The following COL19A1 variants were observed in gnomAD, a reference collection of about 807,000 sequenced individuals.
The protein encoded by COL19A1 is collagen alpha-1(XIX) chain.
COL19A1 carries 159 observed loss-of-function variants against 190.2 expected under a neutral mutation model. The ratio of observed to expected loss-of-function variants is 0.84; its 90% CI spans 0.73 to 0.95. The LOEUF is 0.95. Among genes scored for constraint, COL19A1 ranks in the 40% least tolerant of loss-of-function variants. The pLI is 0.00. For synonymous variants in COL19A1, 509 were observed against 458.9 expected (o/e 1.11, Z -1.39); for missense variants, 1,418 against 1,431.9 (o/e 0.99, Z 0.16).
chr6:70,145,878 G>A (rs1583021463), intron 25 of COL19A1, among the ~76,000 whole-genome samples: 1 of 151,786 alleles, frequency 6.6e-6, no homozygotes, highest in Non-Finnish European at 1.5e-5. Context: ...ACACCACCAA[G>A]CCTGGCTGAT....
In COL19A1 at chr6:69,932,838, C is replaced by A. The variant is rs572662855; in HGVS notation, c.722C>A (p.Thr241Lys). 6.2e-7 allele frequency: 1 copy of A among 1,607,238 alleles called. No homozygotes were observed. The highest frequency in any genetic ancestry group is 1.3e-5 in the African/African-American group (1 of 74,778). ...AGTGCAAACCTCATAGCTCAAGAAA[C>A]ATGTTGTGAAATATCAGATACTAAG... ...YCSANLIAQE[T>K]CCEISDTKCP... is the part of the protein sequence containing the mutation. The change falls in exon 7 of 51, where the codon ACA becomes AAA. Residue 241 changes from threonine (T) to lysine (K), a missense_variant. By Grantham distance (78) the Thr-to-Lys change is moderately conservative. Transcript: ENST00000620364.
At chr6:70,162,212 A>C (rs1245359004) in intron 35 of COL19A1, among the ~76,000 whole-genome samples, 1 of 152,182 alleles carries the variant, frequency 6.6e-6, no homozygotes, top group Non-Finnish European at 1.5e-5. Flanking sequence ...TTGAAATAGA[A>C]ATTGCATATA....
At position 70,149,972 on chromosome 6, in the gene COL19A1, A is replaced by G; in HGVS notation, c.1984-20A>G. The G allele has an allele frequency of 6.2e-7, 1 of 1,613,702 alleles. No individual in the cohort carries two copies. Among genetic ancestry groups the G allele is most frequent in the African/African-American group, 1.3e-5 (1 of 74,996 alleles). On this transcript the variant is annotated intron_variant, in intron 29 of 50. Transcript: ENST00000620364. ...CCTGTGCCACGTGCAAAGATTGAAC[A>G]TGGATACCTCTGTTTTCAGGGAGTT...
chr6:70,028,469 G>A (rs1447772029), intron 12 of COL19A1, among the ~76,000 whole-genome samples: 2 of 152,130 alleles, frequency 1.3e-5, no homozygotes. Context: ...TCTGGGCATC[G>A]TGACAACTTT....
At chr6:70,174,549 G>A (rs2150277713) in intron 41 of COL19A1, among the ~76,000 whole-genome samples, 1 of 143,976 alleles carries the variant, frequency 6.9e-6, no homozygotes, top group Non-Finnish European at 1.5e-5. Flanking sequence ...GATAGAGCCA[G>A]ACTCCGTCTC....
chr6:70,084,046 C>T (rs3806013), intron 15 of COL19A1, among the ~76,000 whole-genome samples: 55,191 of 151,906 alleles, frequency 0.36, 11,684 homozygotes, highest in Non-Finnish European at 0.48. Flanking sequence ...GTCCAACTTA[C>T]CTTTTTAAAA....
intron 19 of COL19A1, among the ~76,000 whole-genome samples, chr6:70,140,650 A>G (rs1432648289): frequency 6.6e-6 from 1 of 152,104 alleles, no homozygotes; most frequent in Admixed American, 6.6e-5. Flanking sequence ...ATCGTTTTCT[A>G]TGTGGACTAG....
chr6:70,195,136 G>GATATATATAT (rs202055762), intron 48 of COL19A1, among the ~76,000 whole-genome samples: 2,736 of 135,870 alleles, frequency 0.02, 44 homozygotes, highest in Non-Finnish European at 0.029. Flanking sequence ...CATCATTGAT[G>GATATATATAT]ATATATATAT....
intron 17 of COL19A1, among the ~76,000 whole-genome samples, chr6:70,128,651 A>G (rs534103924): frequency 2.0e-3 from 302 of 152,366 alleles, no homozygotes; most frequent in Non-Finnish European, 3.3e-3. Context: ...TGACAAAGTT[A>G]AACAGGCAAG....
intron 11 of COL19A1, among the ~76,000 whole-genome samples, chr6:69,965,712 C>T (rs1775050680): frequency 6.6e-6 from 1 of 152,178 alleles, no homozygotes; most frequent in Non-Finnish European, 1.5e-5. Flanking sequence ...GCTGACATGA[C>T]TCTCTCAGAT....
chr6:69,904,370 C>T (rs1002254824), intron 4 of COL19A1, among the ~76,000 whole-genome samples: 2 of 152,214 alleles, frequency 1.3e-5, no homozygotes, highest in African/African-American at 4.8e-5. Context: ...ACCATCGGCA[C>T]AGATACAGCC....
At chr6:70,200,420 C>T (rs1325096494) in intron 49 of COL19A1, among the ~76,000 whole-genome samples, 2 of 152,150 alleles carry the variant, frequency 1.3e-5, no homozygotes, top group Non-Finnish European at 2.9e-5. Flanking sequence ...AGCAAAGTGG[C>T]CAAATAGGCC....
chr6:70,142,013 A>C lies in COL19A1; in HGVS notation c.1519-10A>C, dbSNP rs199634881. ...GAAACATTGATCTTTCCTTCCCCCC[A>C]CGTGTTTAGGGTGAACCTGGAGATC... is the stretch of plus-strand genomic sequence containing the variant. On this transcript the variant is annotated splice_polypyrimidine_tract_variant and intron_variant, in intron 21 of 50. Transcript: ENST00000620364. The C allele has an allele frequency of 1.9e-6, 3 of 1,612,340 alleles. No individual in the cohort carries two copies. Among genetic ancestry groups the C allele is most frequent in the East Asian group, 4.5e-5 (2 of 44,790 alleles).
intron 15 of COL19A1, among the ~76,000 whole-genome samples, chr6:70,095,922 T>C (rs1783225457): frequency 6.6e-6 from 1 of 152,230 alleles, no homozygotes; most frequent in South Asian, 2.1e-4. Flanking sequence ...ACATTTTATT[T>C]ATCCATTCAT....
intron 11 of COL19A1, among the ~76,000 whole-genome samples, chr6:69,971,394 G>A (rs1347404044): frequency 6.6e-6 from 1 of 152,154 alleles, no homozygotes; most frequent in Non-Finnish European, 1.5e-5. Context: ...GGAGTTTCCT[G>A]AAGAGTTAAA....
intron 4 of COL19A1, among the ~76,000 whole-genome samples, chr6:69,921,444 TCATATA>T (rs1252535170): frequency 0.012 from 367 of 30,002 alleles, 30 homozygotes; most frequent in African/African-American, 0.071. Flanking sequence ...ATCATATATA[TCATATA>T]TCATATATAT....
At chr6:70,043,161 C>T (rs1339795126) in intron 14 of COL19A1, among the ~76,000 whole-genome samples, 1 of 151,408 alleles carries the variant, frequency 6.6e-6, no homozygotes, top group Non-Finnish European at 1.5e-5. Context: ...ACTATCTATG[C>T]AGCTATAGCC....
intron 11 of COL19A1, among the ~76,000 whole-genome samples, chr6:69,986,683 C>T (rs1776334426): frequency 6.6e-6 from 1 of 152,166 alleles, no homozygotes; most frequent in Admixed American, 6.5e-5. Context: ...GTTTATACTA[C>T]AATTCCTTAA....
chr6:70,121,404 A>G (rs895184650), intron 16 of COL19A1, among the ~76,000 whole-genome samples: 2 of 152,230 alleles, frequency 1.3e-5, no homozygotes, highest in East Asian at 1.9e-4. Flanking sequence ...CCAAAAGTCC[A>G]TGTGCATCCC....
Sources: gnomAD v4.1 joint callset for allele counts (sites outside exome capture counted in the v4.1 genomes callset) on GRCh38, gnomAD v4.1.1 for gene constraint, MANE v1.5 for transcripts, NCBI Gene and HGNC (gene_info 2026-07-23, HGNC 2026-07-21) for gene names.